ENOSF1: variants seen among roughly 807,000 people sequenced by gnomAD.
The protein encoded by ENOSF1 is mitochondrial enolase superfamily member 1.
In ENOSF1, 73 loss-of-function variants were observed where a neutral mutation model predicts 68.2. The observed-to-expected ratio is 1.07, with a 90% confidence interval of 0.89 to 1.30. The LOEUF (loss-of-function observed/expected upper bound fraction) is 1.30, where lower values mean the gene tolerates loss of function less well. Ranked by LOEUF, ENOSF1 falls within the 50% of genes most tolerant of loss-of-function variation. The pLI, the probability that ENOSF1 is intolerant of heterozygous loss-of-function variation, is 0.00. For missense variants in ENOSF1, 589 were observed against 554.5 expected, an observed-to-expected ratio of 1.06 and a Z score of -0.62; for synonymous variants, 223 against 210.4, an observed-to-expected ratio of 1.06 and a Z score of -0.52.
Position 672,663 on chromosome 18 carries a change from A to T in ENOSF1, c.*1642T>A, listed in dbSNP as rs1317493549. ...TGTGTAATGTCACAAAATACCCCTC[A>T]CTCTCGATCTGTGCAAGAGAACAGC... On this transcript the variant is annotated 3_prime_UTR_variant, in exon 16 of 16. Coordinates refer to ENST00000647584, the MANE Select transcript of ENOSF1 (RefSeq NM_017512.7). 5 of 446,910 alleles carry T rather than the reference A, an allele frequency of 1.1e-5. No homozygotes were observed. Among genetic ancestry groups the T allele is most frequent in the African/African-American group, 3.9e-5 (2 of 51,020 alleles). 27.7% of individuals were successfully genotyped at this position (446,910 alleles called of 1,614,324 possible).
chr18:674,513 CAATT>C (rs777430262), intron 15 of ENOSF1, 107 bp from the exon 16 acceptor site: 138 of 700,582 alleles, frequency 2.0e-4, no homozygotes, highest in South Asian at 1.0e-3. Flanking sequence ...AAGCCAGAGG[CAATT>C]AATTAATTTT....
rs756229903 is a variant in ENOSF1, at chr18:671,333, A to G, written c.*2972T>C. 2.8e-5 allele frequency: 34 copies of G among 1,218,022 alleles called. No homozygotes were observed. The highest frequency in any genetic ancestry group is 4.1e-5 in the Non-Finnish European group (34 of 819,308). The allele number at this position is 1,218,022 out of a possible 1,614,324, so 75.5% of individuals were successfully genotyped here. Reference sequence around the variant, plus strand: ...CTAATGTTTTTAAATGATGTTTTAAAGAATTGAAACTAACATACTGTTCTG... The same window carrying G: ...CTAATGTTTTTAAATGATGTTTTAAGGAATTGAAACTAACATACTGTTCTG... On this transcript the variant is annotated 3_prime_UTR_variant, in exon 16 of 16. Transcript: ENST00000647584.
At chr18:696,533 C>T (rs2847322) in intron 3 of ENOSF1, among the ~76,000 whole-genome samples, 50,613 of 151,804 alleles carry the variant, frequency 0.33, 8,732 homozygotes, top group Non-Finnish European at 0.37. Context: ...ACATCTCTAA[C>T]ACTACTCACA....
chr18:693,861 A>G, intron 5 of ENOSF1, 21 bp downstream of exon 5: 1 of 1,613,192 alleles, frequency 6.2e-7, no homozygotes, highest in Non-Finnish European at 8.5e-7. Flanking sequence ...AAACAATTGT[A>G]ACATTAACAA....
chr18:695,501 T>C (rs998903706), intron 3 of ENOSF1, among the ~76,000 whole-genome samples: 1 of 152,236 alleles, frequency 6.6e-6, no homozygotes, highest in Admixed American at 6.5e-5. Context: ...ATGACAGTTA[T>C]GGTGATTTTC....
In ENOSF1 at chr18:672,886, A is replaced by G. The variant is rs1197848981; in HGVS notation, c.*1419T>C. Reference sequence around the variant, plus strand: ...TTCAGCGAGAACCCAGACCTTTCCCAAAGCTCAGGATTCTTCGAAAAGTTG... The same window carrying G: ...TTCAGCGAGAACCCAGACCTTTCCCGAAGCTCAGGATTCTTCGAAAAGTTG... On this transcript the variant is annotated 3_prime_UTR_variant, in exon 16 of 16. Coordinates refer to ENST00000647584, the MANE Select transcript of ENOSF1 (RefSeq NM_017512.7). 2 of 1,586,244 alleles carry G rather than the reference A, an allele frequency of 1.3e-6. No homozygotes were observed. Among genetic ancestry groups the G allele is most frequent in the African/African-American group, 2.7e-5 (2 of 74,596 alleles).
At position 685,910 on chromosome 18, in the gene ENOSF1, A is replaced by C; in HGVS notation, c.741+11T>G. The stretch of plus-strand genomic sequence containing the variant: ...GGCTACTGCTTCTTAGTGGTGTGAG[A>C]GGATATTTACCAAAGTCTTTTCCGG... On this transcript the variant is annotated intron_variant, in intron 10 of 15. Transcript: ENST00000647584. 6.2e-7 allele frequency: 1 copy of C among 1,605,334 alleles called. No homozygotes were observed. The highest frequency in any genetic ancestry group is 8.5e-7 in the Non-Finnish European group (1 of 1,171,966).
At chr18:705,543 G>A (rs1038168012) in intron 2 of ENOSF1, among the ~76,000 whole-genome samples, 3 of 151,622 alleles carry the variant, frequency 2.0e-5, no homozygotes, top group Non-Finnish European at 4.4e-5. Flanking sequence ...GTTATGTTCT[G>A]TGTCTTCTGT....
downstream of ENOSF1, among the ~76,000 whole-genome samples, chr18:667,239 A>AGATGGTGATGGTGATGGT (rs1264608229): frequency 1.5e-4 from 2 of 13,450 alleles, no homozygotes; most frequent in Non-Finnish European, 2.4e-4. Flanking sequence ...ATGGAGATGG[A>AGATGGTGATGGTGATGGT]GATGGTGATG....
At chr18:666,899 ATGGAGATGGTGATG>A (rs2074827637), downstream of ENOSF1, among the ~76,000 whole-genome samples, 2 of 56,420 alleles carry the variant, frequency 3.5e-5, no homozygotes, top group African/African-American at 8.2e-5. Context: ...GGAGATGGTG[ATGGAGATGGTGATG>A]GTGATGGAGA....
At chr18:692,928 C>CT (rs140228123) in intron 5 of ENOSF1, 9 of 1,176,292 alleles carry the variant, frequency 7.7e-6, no homozygotes, top group Non-Finnish European at 9.6e-6. Flanking sequence ...CCATGGTGTT[C>CT]TTTGTTTTTC....
rs576654575 is a variant in ENOSF1 at position 691,216 on chromosome 18, C to G, written c.484G>C (p.Glu162Gln). The change falls in exon 6 of 16, where the codon GAG becomes CAG. Residue 162 changes from glutamate (E) to glutamine (Q), a missense_variant. Glu to Gln is a conservative substitution (Grantham distance 29). Transcript: ENST00000647584. ...FRYITDVLTE[E>Q]DALEILQKGQ... The stretch of plus-strand genomic sequence containing the variant: ...CTTCCAAACTCACCTAGGGCATCCT[C>G]CTCAGTCAGGACATCAGTGATGTAC... The G allele has an allele frequency of 6.2e-7, 1 of 1,614,204 alleles. No homozygotes were observed. Among genetic ancestry groups the G allele is most frequent in the East Asian group, 2.2e-5 (1 of 44,884 alleles).
intron 11 of ENOSF1, 170 bp downstream of exon 11, chr18:683,076 G>A: frequency 1.3e-6 from 1 of 768,740 alleles, no homozygotes; most frequent in South Asian, 2.0e-5. Context: ...AGTAGAAAAA[G>A]GAATGTCAGG....
intron 10 of ENOSF1, among the ~76,000 whole-genome samples, chr18:684,286 C>T (rs1417740803): frequency 6.6e-6 from 1 of 152,200 alleles, no homozygotes; most frequent in Non-Finnish European, 1.5e-5. Flanking sequence ...TGAGCCACTG[C>T]ATCTGGCCCA....
chr18:686,732 C>T (rs1016047906), intron 9 of ENOSF1: 1 of 152,300 alleles, frequency 6.6e-6, no homozygotes, highest in African/African-American at 2.4e-5. Context: ...GGAGGGGACA[C>T]CACCACGGGG....
chr18:691,501 A>G (rs1237940031), intron 5 of ENOSF1: 2 of 496,094 alleles, frequency 4.0e-6, no homozygotes, highest in African/African-American at 2.0e-5. Context: ...ATGTGCCACT[A>G]TGCCCGGCTA....
rs1598494420 is a variant in ENOSF1, at chr18:674,368, TAC to T, written c.1267_1268del (p.Val423LysfsTer9). 6.2e-7 allele frequency: 1 copy of T among 1,613,114 alleles called. No individual in the cohort carries two copies. Among genetic ancestry groups the T allele is most frequent in the Non-Finnish European group, 8.5e-7 (1 of 1,179,680 alleles). ...GYSTEMKEESVKKHQYPDGEV... is the reference protein window; with the variant it reads ...GYSTEMKEESXKKHQYPDGEV... ...CACCATCTGGATACTGGTGTTTCTT[TAC>T]AGATTCCTCCTTCATTTCTGTTGAG... On this transcript the variant is annotated frameshift_variant, in exon 16 of 16. Transcript: ENST00000647584. LOFTEE classifies it high-confidence loss of function.
downstream of ENOSF1, chr18:669,208 C>A (rs1230966552): frequency 6.3e-7 from 1 of 1,579,226 alleles, no homozygotes; most frequent in Admixed American, 1.7e-5. Flanking sequence ...TTTATACTAA[C>A]CATACTCTTA....
At chr18:664,668 T>G in the ENOSF1 span, among the ~76,000 whole-genome samples, 1 of 148,754 alleles carries the variant, frequency 6.7e-6, no homozygotes, top group Non-Finnish European at 1.5e-5. Flanking sequence ...CATAGATAGC[T>G]CTTATTATTT....
Sources: gnomAD v4.1 joint callset for allele counts (sites outside exome capture counted in the v4.1 genomes callset) on GRCh38, gnomAD v4.1.1 for gene constraint, MANE v1.5 for transcripts, NCBI Gene and HGNC (gene_info 2026-07-23, HGNC 2026-07-21) for gene names.